LRRC37B: variants seen among roughly 807,000 people sequenced by gnomAD.
The protein encoded by LRRC37B is leucine-rich repeat-containing protein 37B.
A neutral mutation model predicts 98.3 loss-of-function variants in LRRC37B; 28 were observed. The observed-to-expected ratio is 0.28, with a 90% CI of 0.21 to 0.39. The LOEUF is 0.39. LRRC37B is among the 10% of genes least tolerant of loss of function. The pLI is 1.00. For synonymous variants in LRRC37B, 364 were observed against 442.7 expected, an observed-to-expected ratio of 0.82 and a Z score of 2.23; for missense variants, 938 against 1,182.7, an observed-to-expected ratio of 0.79 and a Z score of 3.03.
intron 2 of LRRC37B, among the ~76,000 whole-genome samples, chr17:32,026,665 G>A (rs1910963240): frequency 1.3e-5 from 2 of 152,158 alleles, no homozygotes; most frequent in Admixed American, 1.3e-4. Flanking sequence ...ATGATCTCAG[G>A]TGATTCATGT....
At chr17:32,021,285 C>A in exon 1 of LRRC37B, 3 of 1,613,260 alleles carry the variant, frequency 1.9e-6, no homozygotes, top group Non-Finnish European at 2.5e-6. Context: ...GCCACCTGAG[C>A]CCTGGTCTTC....
chr17:32,034,504 CAAAAA>C (rs35735718), intron 5 of LRRC37B, among the ~76,000 whole-genome samples: 1 of 43,900 alleles, frequency 2.3e-5, no homozygotes, highest in Admixed American at 2.2e-4. Flanking sequence ...ACTCCATCTC[CAAAAA>C]AAAAAAAAAA....
chr17:32,052,559 C>T (rs1342966823), intron 11 of LRRC37B: 3 of 152,214 alleles, frequency 2.0e-5, no homozygotes, highest in Admixed American at 6.5e-5. Flanking sequence ...AGCAGGTCCA[C>T]ATCTTCAGAT....
At chr17:32,019,052 G>A (rs1598202170), upstream of LRRC37B, among the ~76,000 whole-genome samples, 1 of 152,096 alleles carries the variant, frequency 6.6e-6, no homozygotes, top group South Asian at 2.1e-4. Flanking sequence ...TCAGCCTCCT[G>A]AGTAGCTGGG....
chr17:32,034,692 T>C (rs1911198558), intron 5 of LRRC37B, among the ~76,000 whole-genome samples: 2 of 151,836 alleles, frequency 1.3e-5, no homozygotes, highest in South Asian at 4.1e-4. Context: ...TTTTTTTTTC[T>C]ATTTCTTCCC....
chr17:32,041,384 C>T, intron 7 of LRRC37B: 1 of 752,654 alleles, frequency 1.3e-6, no homozygotes, highest in African/African-American at 1.7e-5. Flanking sequence ...AGCCTGAGAA[C>T]CATGGGGAGC....
exon 1 of LRRC37B, chr17:32,022,244 G>C: frequency 6.2e-7 from 1 of 1,613,956 alleles, no homozygotes; most frequent in Non-Finnish European, 8.5e-7. Context: ...CCCAAGCCCA[G>C]CAGGAGGCCC....
rs752727279 is a variant in LRRC37B at position 32,049,981 on chromosome 17, CTTTTT to C, written c.2758-16_2758-12del. 36 of 1,238,118 alleles carry C rather than the reference CTTTTT, an allele frequency of 2.9e-5. No individual in the cohort carries two copies. In the African/African-American group the frequency reaches 4.6e-4, roughly 16 times the overall value. 76.7% of individuals were successfully genotyped at this position (1,238,118 alleles called of 1,614,324 possible). A position where few individuals can be genotyped will look rare whatever the true frequency, so the allele number is the denominator to read the frequency against. ...TTTTTTTAATTGTTCTTTCTTTTTTCTTTTTTTTTTCTTTTTTTTAGCTCATGAAA... is the reference window on the plus strand; with the variant it reads ...TTTTTTTAATTGTTCTTTCTTTTTTCTTTTTCTTTTTTTTAGCTCATGAAA... On this transcript the variant is annotated splice_polypyrimidine_tract_variant and intron_variant, in intron 10 of 11. Coordinates refer to ENST00000327564, the Ensembl canonical transcript of LRRC37B.
intron 7 of LRRC37B, among the ~76,000 whole-genome samples, chr17:32,039,510 AT>A (rs1911354047): frequency 5.1e-4 from 23 of 44,756 alleles, no homozygotes; most frequent in Admixed American, 7.8e-4. Context: ...ATATATATAT[AT>A]ATATATATAT....
rs770175401 is a variant in LRRC37B at position 32,021,078 on chromosome 17, T to C, written c.13T>C (p.Tyr5His). 10 of 1,613,148 alleles carry C rather than the reference T, an allele frequency of 6.2e-6. No individual in the cohort carries two copies. The African/African-American group carries it at 1.1e-4, about 17-fold the overall frequency. The change falls in exon 1 of 12, where the codon TAT becomes CAT. Residue 5 changes from tyrosine to histidine, a missense_variant. By Grantham distance (83) the Tyr-to-His change is moderately conservative (BLOSUM62 2). This residue lies in a region of LRRC37B where 610 missense variants were observed against 625.6 expected (regional missense o/e 0.98). Coordinates refer to ENST00000327564, the Ensembl canonical transcript of LRRC37B. The stretch of plus-strand genomic sequence containing the variant: ...ATAAAGACAGGGCATGGCACACGCT[T>C]ATAAGGGGCATGAGCATCTCAGGGC...
At chr17:32,010,354 A>C (rs887451378) in intron 1 of LRRC37B, among the ~76,000 whole-genome samples, 1 of 152,236 alleles carries the variant, frequency 6.6e-6, no homozygotes, top group African/African-American at 2.4e-5. Context: ...TAATTTACAA[A>C]TTATCAATTA....
chr17:32,041,423 G>A (rs774273274), intron 7 of LRRC37B: 2 of 737,204 alleles, frequency 2.7e-6, no homozygotes, highest in South Asian at 1.3e-5. Flanking sequence ...ACGTCTTCAC[G>A]CTGATCAACC....
chr17:32,025,937 G>A (rs1394491919), intron 2 of LRRC37B, among the ~76,000 whole-genome samples: 3 of 152,036 alleles, frequency 2.0e-5, no homozygotes, highest in Admixed American at 6.5e-5. Flanking sequence ...TGAATAAAAG[G>A]GATTCCATCC....
At chr17:32,037,069 C>T (rs1252142103) in intron 7 of LRRC37B, among the ~76,000 whole-genome samples, 1 of 148,722 alleles carries the variant, frequency 6.7e-6, no homozygotes, top group South Asian at 2.2e-4. Context: ...TCACTGCAAC[C>T]TCTACCTCCT....
At position 32,053,201 on chromosome 17, in the gene LRRC37B, G is replaced by A; in HGVS notation, c.2863-65G>A. 4 of 1,043,614 alleles carry A rather than the reference G, an allele frequency of 3.8e-6. No individual in the cohort carries two copies. In the Middle Eastern group the frequency reaches 6.1e-4, roughly 159 times the overall value. The allele number at this position is 1,043,614 out of a possible 1,614,324, so 64.6% of individuals were successfully genotyped here. A position where few individuals can be genotyped will look rare whatever the true frequency, so the allele number is the denominator to read the frequency against. ...GAGACTTAAAATGAATAAAAGGAAT[G>A]AATACACATTGGAGATAGTGGTTGT... On this transcript the variant is annotated intron_variant, in intron 11 of 11. Coordinates refer to ENST00000327564, the Ensembl canonical transcript of LRRC37B.
rs765239663 is a variant in LRRC37B at position 32,021,681 on chromosome 17, G to T, written c.616G>T (p.Val206Phe). The change falls in exon 1 of 12, where the codon GTT (valine) becomes TTT (phenylalanine). Residue 206 changes from valine (V) to phenylalanine (F), a missense_variant. Transcript: ENST00000327564. ...AATACTTGTTCCACTAGACAGTAAG[G>T]TTTCAAGACCAACCAAATTTGTTGT... is the stretch of plus-strand genomic sequence containing the variant. 3 of 1,614,222 alleles carry T rather than the reference G, an allele frequency of 1.9e-6. No homozygotes were observed. The South Asian group carries it at 3.3e-5, about 18-fold the overall frequency.
intron 7 of LRRC37B, among the ~76,000 whole-genome samples, chr17:32,039,479 A>AATATATATATATAT (rs1185838390): frequency 2.6e-5 from 1 of 38,836 alleles, no homozygotes; most frequent in Non-Finnish European, 4.5e-5. Context: ...CCTGCCTAAA[A>AATATATATATATAT]ATATATATAT....
At chr17:32,022,137 G>A (rs1232774097) in exon 1 of LRRC37B, 2 of 1,613,730 alleles carry the variant, frequency 1.2e-6, no homozygotes, top group South Asian at 1.1e-5. Context: ...ACCTCCAGGT[G>A]AGGATCAAGC....
At chr17:32,036,616 G>T (rs1164808986) in intron 7 of LRRC37B, among the ~76,000 whole-genome samples, 1 of 152,046 alleles carries the variant, frequency 6.6e-6, no homozygotes, top group Non-Finnish European at 1.5e-5. Flanking sequence ...TCTGCAGGGG[G>T]TCCTGGAGCC....
Sources: gnomAD v4.1 joint callset for allele counts (sites outside exome capture counted in the v4.1 genomes callset) on GRCh38, gnomAD v4.1.1 for gene constraint, gnomAD v4.1.1 regional missense constraint, MANE v1.5 for transcripts, NCBI Gene and HGNC (gene_info 2026-07-23, HGNC 2026-07-21) for gene names.